The following HAGH variants were observed in gnomAD, a reference collection of about 807,000 sequenced individuals.
The protein encoded by HAGH is hydroxyacylglutathione hydrolase, also known as hydroxyacylglutathione hydrolase, mitochondrial.
A neutral mutation model predicts 35.1 loss-of-function variants in HAGH; 29 were observed. The ratio of observed to expected loss-of-function variants is 0.83; its 90% confidence interval spans 0.62 to 1.13. HAGH has a LOEUF of 1.13. Among genes scored for constraint, HAGH ranks in the 50% most tolerant of loss-of-function variants. The probability of loss-of-function intolerance (pLI) is 0.00; values close to 1 mark genes in which losing one functional copy is unlikely to be tolerated. For missense variants in HAGH, 478 were observed against 419.6 expected (o/e 1.14, Z -1.22); for synonymous variants, 225 against 176.1 (o/e 1.28, Z -2.20).
intron 1 of HAGH, among the ~76,000 whole-genome samples, chr16:1,823,974 G>T (rs1350859657): frequency 6.6e-6 from 1 of 152,116 alleles, no homozygotes; most frequent in Non-Finnish European, 1.5e-5. Flanking sequence ...AGAATGTGAA[G>T]AAGGGAACAC....
chr16:1,809,667 T>C lies in HAGH; in HGVS notation c.827+87A>G, dbSNP rs59616088. On this transcript the variant is annotated intron_variant, in intron 8 of 8. Coordinates refer to ENST00000397356, the MANE Select transcript of HAGH (RefSeq NM_005326.6). ...GCTCCCCAAGGCAGCCTCAGCCATCTGGGGTCTCGGACGTACCGGCTGTGT... is the reference window on the plus strand; with the variant it reads ...GCTCCCCAAGGCAGCCTCAGCCATCCGGGGTCTCGGACGTACCGGCTGTGT... 1.4e-5 allele frequency: 14 copies of C among 975,438 alleles called. No homozygotes were observed. In the African/African-American group the frequency reaches 2.2e-4, roughly 15 times the overall value. The allele number at this position is 975,438 out of a possible 1,614,324, so 60.4% of individuals were successfully genotyped here.
In HAGH at chr16:1,821,100, C is replaced by T. The variant is rs139105898; in HGVS notation, c.315-1086G>A. On this transcript the variant is annotated intron_variant, in intron 3 of 8. Coordinates refer to ENST00000397356, the MANE Select transcript of HAGH (RefSeq NM_005326.6). ...GCATGGTGGCAGCAAGGGCCTCGCA[C>T]GACAGGCAGGCCAACGTGCTGAGAG... 4.9e-3 allele frequency among the ~76,000 whole-genome samples: 743 copies of T among 152,244 alleles called. 5 individuals are homozygous for T. Among genetic ancestry groups the T allele is most frequent in the African/African-American group, 0.015 (621 of 41,528 alleles).
chr16:1,809,413 T>C (rs946764607), intron 8 of HAGH, 31 bp from the exon 9 acceptor site: 8 of 1,573,958 alleles, frequency 5.1e-6, no homozygotes, highest in Admixed American at 1.7e-5. Flanking sequence ...CTGCAGGCTG[T>C]GCCGAGCCAC....
At position 1,809,759 on chromosome 16, in the gene HAGH, T is replaced by A. The variant is rs754765416; in HGVS notation, c.822A>T (p.Arg274Ser). The A allele has an allele frequency of 6.2e-7, 1 of 1,611,394 alleles. No individual in the cohort carries two copies. The highest frequency in any genetic ancestry group is 8.5e-7 in the Non-Finnish European group (1 of 1,177,598). The change falls in exon 8 of 9, where the codon AGA becomes AGT. Residue 274 changes from arginine (R) to serine (S), a missense_variant. By Grantham distance (110) the Arg-to-Ser change is moderately radical. Coordinates refer to ENST00000397356, the MANE Select transcript of HAGH (RefSeq NM_005326.6). The part of the protein sequence containing the change: ...AEEFTYNPFM[R>S]VREKTVQQHA... ...CCACCTGCCCTGGGCCTCACCTCAC[T>A]CTCATGAAGGGGTTGTAGGTAAACT...
chr16:1,819,244 GCGTGTGCTCCCA>G (rs1354258230), intron 4 of HAGH, 21 bp from the exon 5 acceptor site: 1 of 1,501,508 alleles, frequency 6.7e-7, no homozygotes, highest in African/African-American at 1.4e-5. Flanking sequence ...GCAGGCGACC[GCGTGTGCTCCCA>G]GACACCCTGG....
intron 5 of HAGH, among the ~76,000 whole-genome samples, chr16:1,817,818 T>C (rs141329447): frequency 2.6e-5 from 4 of 152,306 alleles, no homozygotes; most frequent in African/African-American, 9.6e-5. Flanking sequence ...TGTCCCCGCT[T>C]GCCCTCCTCT....
intron 7 of HAGH, among the ~76,000 whole-genome samples, chr16:1,811,140 G>A (rs1466314998): frequency 1.3e-5 from 2 of 152,190 alleles, no homozygotes; most frequent in Admixed American, 6.5e-5. Flanking sequence ...TCAGCCGAGC[G>A]CAGTGGCTCA....
intron 6 of HAGH, 55 bp downstream of exon 6, chr16:1,817,113 G>C: frequency 7.3e-7 from 1 of 1,372,508 alleles, no homozygotes; most frequent in African/African-American, 1.4e-5. Flanking sequence ...AGGGAGAGCA[G>C]CCCCGCCCTG....
intron 7 of HAGH, among the ~76,000 whole-genome samples, chr16:1,813,987 T>A (rs2142031981): frequency 6.6e-6 from 1 of 152,292 alleles, no homozygotes; most frequent in South Asian, 2.1e-4. Flanking sequence ...CACCTCGGGA[T>A]CACACTGCGA....
chr16:1,826,959 C>A (rs1596950182), upstream of HAGH: 5 of 615,740 alleles, frequency 8.1e-6, no homozygotes, highest in East Asian at 1.6e-4. Context: ...TCCGCGAGCC[C>A]CGACTGCCAC....
chr16:1,809,188 G>A lies in HAGH; in HGVS notation c.*95C>T, dbSNP rs1897517542. On this transcript the variant is annotated 3_prime_UTR_variant, in exon 9 of 9. Coordinates refer to ENST00000397356, the MANE Select transcript of HAGH (RefSeq NM_005326.6). ...ACAAGCCAAGGGCTGTAAAATTAAG[G>A]TTAAATCAAGACTGAATTTCCCGCA... 1.2e-6 allele frequency: 1 copy of A among 814,150 alleles called. No individual in the cohort carries two copies. The highest frequency in any genetic ancestry group is 2.0e-6 in the Non-Finnish European group (1 of 492,652). 50.4% of individuals were successfully genotyped at this position (814,150 alleles called of 1,614,324 possible). A position where few individuals can be genotyped will look rare whatever the true frequency, so the allele number is the denominator to read the frequency against.
intron 4 of HAGH, 68 bp downstream of exon 4, chr16:1,819,829 G>A (rs552733074): frequency 3.1e-6 from 3 of 957,536 alleles, no homozygotes; most frequent in East Asian, 2.4e-5. Flanking sequence ...GAGAATGCGG[G>A]GAGGGACCCC....
intron 5 of HAGH, among the ~76,000 whole-genome samples, 183 bp from the exon 6 acceptor site, chr16:1,817,454 CTCAGCTGACAG>C (rs2142038398): frequency 6.6e-6 from 1 of 152,326 alleles, no homozygotes; most frequent in East Asian, 1.9e-4. Flanking sequence ...CCTTCCAAGT[CTCAGCTGACAG>C]TCCAACCACC....
At chr16:1,823,705 T>C (rs928183296) in intron 1 of HAGH, among the ~76,000 whole-genome samples, 2 of 124,568 alleles carry the variant, frequency 1.6e-5, no homozygotes, top group African/African-American at 3.2e-5. Context: ...ACTGTGCCAC[T>C]GCACTCCAGC....
chr16:1,818,311 C>T lies in HAGH; in HGVS notation c.541+804G>A, dbSNP rs370740760. 8.5e-4 allele frequency among the ~76,000 whole-genome samples: 130 copies of T among 152,314 alleles called. 3 individuals carry two copies. In the South Asian group the frequency reaches 0.025, roughly 30 times the overall value. On this transcript the variant is annotated intron_variant, in intron 5 of 8. Transcript: ENST00000397356. ...CACCCAGGCTCATCCCCCAGCCCTG[C>T]GCACTGCAGCCTGAAGGCACCTTAT...
intron 4 of HAGH, among the ~76,000 whole-genome samples, chr16:1,819,490 C>T (rs564540236): frequency 6.6e-6 from 1 of 152,356 alleles, no homozygotes; most frequent in African/African-American, 2.4e-5. Flanking sequence ...TCCACGCTCG[C>T]CGTCTGGCTA....
chr16:1,820,468 C>T (rs189344234), intron 3 of HAGH, among the ~76,000 whole-genome samples: 3 of 151,142 alleles, frequency 2.0e-5, no homozygotes, highest in African/African-American at 7.4e-5. Context: ...TGGCCCGACA[C>T]TCTGGCAGGA....
At position 1,808,405 on chromosome 16, in the gene HAGH, A is replaced by G. The variant is rs1197876125; in HGVS notation, c.*878T>C. The G allele has an allele frequency of 6.6e-6, 1 of 150,958 alleles. No individual in the cohort carries two copies. Among genetic ancestry groups the G allele is most frequent in the Non-Finnish European group, 1.5e-5 (1 of 67,798 alleles). The allele number at this position is 150,958 out of a possible 1,614,324, so 9.4% of individuals were successfully genotyped here. A position where few individuals can be genotyped will look rare whatever the true frequency, so the allele number is the denominator to read the frequency against. ...AAGCCCCGCCTCCTGGGTTCACACCATTCTCCTGCCTTAGCCTCCCGAGTA... is the reference window on the plus strand; with the variant it reads ...AAGCCCCGCCTCCTGGGTTCACACCGTTCTCCTGCCTTAGCCTCCCGAGTA... On this transcript the variant is annotated 3_prime_UTR_variant, in exon 9 of 9. Coordinates refer to ENST00000397356, the MANE Select transcript of HAGH (RefSeq NM_005326.6).
In HAGH at chr16:1,807,804, C is replaced by G. The variant is rs1396560442; in HGVS notation, c.*1479G>C. 1.3e-5 allele frequency: 2 copies of G among 151,756 alleles called. No individual in the cohort carries two copies. Among genetic ancestry groups the G allele is most frequent in the Non-Finnish European group, 2.9e-5 (2 of 67,996 alleles). The allele number at this position is 151,756 out of a possible 1,614,324, so 9.4% of individuals were successfully genotyped here. ...CATCCCAGAGGGGTCTGCGAGTATG[C>G]GAACAGACCAGTGACCCCTCCGGGG... is the stretch of plus-strand genomic sequence containing the variant. On this transcript the variant is annotated 3_prime_UTR_variant, in exon 9 of 9. Coordinates refer to ENST00000397356, the MANE Select transcript of HAGH (RefSeq NM_005326.6).
Sources: allele counts gnomAD v4.1 joint callset (sites outside exome capture counted in the v4.1 genomes callset), GRCh38; gene constraint gnomAD v4.1.1; transcripts MANE v1.5; gene names NCBI Gene and HGNC (gene_info 2026-07-23, HGNC 2026-07-21).